GALNT11: variants seen among roughly 807,000 people sequenced by gnomAD.
GALNT11 encodes the protein polypeptide N-acetylgalactosaminyltransferase 11, also known as UDP-GalNAc:polypeptide N-acetylgalactosaminyltransferase 11.
A neutral mutation model predicts 72.7 loss-of-function variants in GALNT11; 47 were observed. The observed-to-expected ratio is 0.65, with a 90% confidence interval of 0.51 to 0.82. GALNT11 has a LOEUF of 0.82. GALNT11 is among the 40% of genes least tolerant of loss of function. The probability of loss-of-function intolerance (pLI) is 0.00; values close to 1 mark genes in which losing one functional copy is unlikely to be tolerated. For missense variants in GALNT11, 677 were observed against 778.4 expected (o/e 0.87, Z 1.55); for synonymous variants, 270 against 286.6 (o/e 0.94, Z 0.58).
chr7:152,082,234 C>T (rs1395561358), intron 1 of GALNT11, among the ~76,000 whole-genome samples: 9 of 152,182 alleles, frequency 5.9e-5, no homozygotes, highest in Non-Finnish European at 1.5e-5. Flanking sequence ...AGCACTTGAA[C>T]ATTAATTTCC....
intron 1 of GALNT11, among the ~76,000 whole-genome samples, chr7:152,039,994 T>G (rs2082774471): frequency 6.6e-6 from 1 of 152,026 alleles, no homozygotes; most frequent in Non-Finnish European, 1.5e-5. Flanking sequence ...TTTCCCCCTT[T>G]CTGTTTTTGC....
intron 9 of GALNT11, 57 bp from the exon 10 acceptor site, chr7:152,118,621 C>T: frequency 6.6e-7 from 1 of 1,518,312 alleles, no homozygotes; most frequent in South Asian, 1.2e-5. Flanking sequence ...CACCTCCAGG[C>T]TTGGGAGGCG....
chr7:152,113,469 T>C, intron 8 of GALNT11, 71 bp downstream of exon 8: 1 of 1,537,228 alleles, frequency 6.5e-7, no homozygotes, highest in Non-Finnish European at 8.8e-7. Context: ...ATAGCTTTAG[T>C]TGCTTACTTT....
At chr7:152,028,016 G>A (rs563165170) in intron 1 of GALNT11, among the ~76,000 whole-genome samples, 3 of 152,306 alleles carry the variant, frequency 2.0e-5, no homozygotes, top group South Asian at 4.2e-4. Context: ...CAGTAGGTTT[G>A]TGGTCTCACT....
intron 1 of GALNT11, among the ~76,000 whole-genome samples, chr7:152,036,102 A>C (rs944398042): frequency 6.6e-6 from 1 of 152,188 alleles, no homozygotes; most frequent in Non-Finnish European, 1.5e-5. Context: ...TTCACAACCC[A>C]ATGATACTCT....
chr7:152,106,679 T>A (rs186429722), intron 5 of GALNT11, among the ~76,000 whole-genome samples: 30 of 152,292 alleles, frequency 2.0e-4, no homozygotes, highest in Middle Eastern at 6.8e-3. Context: ...GAACTGACTT[T>A]TTTTTAGATA....
intron 1 of GALNT11, among the ~76,000 whole-genome samples, chr7:152,054,930 A>G (rs1315678037): frequency 6.6e-6 from 1 of 152,188 alleles, no homozygotes; most frequent in Non-Finnish European, 1.5e-5. Context: ...CACACACACA[A>G]ATGCACACGC....
chr7:152,051,281 T>C (rs1333395108), intron 1 of GALNT11, among the ~76,000 whole-genome samples: 1 of 149,978 alleles, frequency 6.7e-6, no homozygotes, highest in South Asian at 2.1e-4. Context: ...TTGGTTGATA[T>C]GCCTCTTAAG....
chr7:152,028,032 C>T (rs2082115901), intron 1 of GALNT11, among the ~76,000 whole-genome samples: 1 of 152,190 alleles, frequency 6.6e-6, no homozygotes, highest in South Asian at 2.1e-4. Flanking sequence ...TCACTGACTT[C>T]AGGAGTGAAG....
At chr7:152,121,201 CTGAAA>C (rs529840221) in intron 11 of GALNT11, among the ~76,000 whole-genome samples, 54 of 152,316 alleles carry the variant, frequency 3.5e-4, no homozygotes, top group Non-Finnish European at 5.3e-4. Flanking sequence ...ACAACAATAA[CTGAAA>C]TGAAACGGAA....
At chr7:152,063,158 A>G (rs2084111931) in intron 1 of GALNT11, among the ~76,000 whole-genome samples, 1 of 152,138 alleles carries the variant, frequency 6.6e-6, no homozygotes, top group Non-Finnish European at 1.5e-5. Flanking sequence ...TTATTTTCCT[A>G]TTCAGGGATT....
chr7:152,026,978 G>A (rs549729890), intron 1 of GALNT11, among the ~76,000 whole-genome samples: 3 of 152,254 alleles, frequency 2.0e-5, no homozygotes, highest in South Asian at 2.1e-4. Context: ...AGCCGGGTGC[G>A]GTGGCTCACG....
chr7:152,037,981 G>C (rs1334802853), intron 1 of GALNT11, among the ~76,000 whole-genome samples: 5 of 152,012 alleles, frequency 3.3e-5, no homozygotes, highest in Admixed American at 6.6e-5. Flanking sequence ...TGTTGGTCAG[G>C]CTGGTCTCGA....
At chr7:152,026,223 A>G (rs1007145458) in intron 1 of GALNT11, among the ~76,000 whole-genome samples, 16 of 152,244 alleles carry the variant, frequency 1.1e-4, no homozygotes, top group African/African-American at 3.9e-4. Flanking sequence ...AGTATTGTCC[A>G]CTTTTTAAAA....
At chr7:152,070,660 C>T (rs2084585486) in intron 1 of GALNT11, among the ~76,000 whole-genome samples, 1 of 152,194 alleles carries the variant, frequency 6.6e-6, no homozygotes, top group African/African-American at 2.4e-5. Flanking sequence ...TGGGTCTACC[C>T]ACATAATCCA....
intron 5 of GALNT11, among the ~76,000 whole-genome samples, chr7:152,106,336 C>G (rs115413293): frequency 0.011 from 1,749 of 152,288 alleles, 36 homozygotes; most frequent in African/African-American, 0.04. Context: ...CACTGCTCAC[C>G]ACCACTCCCC....
intron 1 of GALNT11, among the ~76,000 whole-genome samples, chr7:152,026,607 A>G (rs538858410): frequency 7.3e-4 from 111 of 152,346 alleles, no homozygotes; most frequent in African/African-American, 2.6e-3. Context: ...TCTGCCCTGT[A>G]TTTATGTAAA....
At chr7:152,090,522 A>T (rs1479948675) in intron 1 of GALNT11, among the ~76,000 whole-genome samples, 1 of 152,174 alleles carries the variant, frequency 6.6e-6, no homozygotes, top group Non-Finnish European at 1.5e-5. Flanking sequence ...GTTCATTTGC[A>T]CATTTTGTAA....
At chr7:152,107,514 A>T (rs1197299363) in intron 5 of GALNT11, 1 of 152,170 alleles carries the variant, frequency 6.6e-6, no homozygotes, top group Non-Finnish European at 1.5e-5. Context: ...GCCATCATCC[A>T]TAGTTACAGT....
Sources: gnomAD v4.1 joint callset for allele counts (sites outside exome capture counted in the v4.1 genomes callset) on GRCh38, gnomAD v4.1.1 for gene constraint, MANE v1.5 for transcripts, NCBI Gene and HGNC (gene_info 2026-07-23, HGNC 2026-07-21) for gene names.